KAT6B: variants seen among roughly 807,000 people sequenced by gnomAD.
The protein encoded by KAT6B is lysine acetyltransferase 6B, also known as histone acetyltransferase KAT6B.
In KAT6B, 10 loss-of-function variants were observed where a neutral mutation model predicts 187.5. The ratio of observed to expected loss-of-function variants is 0.05; its 90% CI spans 0.03 to 0.09. The LOEUF is 0.09. KAT6B is among the 10% of genes least tolerant of loss of function. KAT6B has a pLI of 1.00. For synonymous variants in KAT6B, 861 were observed against 926.8 expected (o/e 0.93, Z 1.29); for missense variants, 1,952 against 2,558.9 (o/e 0.76, Z 5.12).
intron 3 of KAT6B, among the ~76,000 whole-genome samples, chr10:74,857,141 A>G (rs1842876631): frequency 6.6e-6 from 1 of 152,174 alleles, no homozygotes; most frequent in African/African-American, 2.4e-5. Flanking sequence ...CCCAGTGTGT[A>G]TTAGTTTTCT....
intron 13 of KAT6B, among the ~76,000 whole-genome samples, chr10:74,994,420 T>G (rs1843293831): frequency 6.6e-6 from 1 of 152,214 alleles, no homozygotes; most frequent in Admixed American, 6.5e-5. Flanking sequence ...TATCCTTTTC[T>G]TAAGCCAGCC....
intron 8 of KAT6B, 105 bp from the exon 9 acceptor site, chr10:74,977,211 A>G (rs1329948518): frequency 8.3e-7 from 1 of 1,206,112 alleles, no homozygotes; most frequent in Non-Finnish European, 1.2e-6. Context: ...TTTAAAAAAA[A>G]TCCCTATTTG....
chr10:74,836,732 A>C (rs1210131169), intron 1 of KAT6B, among the ~76,000 whole-genome samples: 1 of 152,214 alleles, frequency 6.6e-6, no homozygotes, highest in Non-Finnish European at 1.5e-5. Flanking sequence ...CTGATAGAAG[A>C]AAAATAAGTC....
intron 3 of KAT6B, among the ~76,000 whole-genome samples, chr10:74,878,055 A>C (rs1179690172): frequency 6.6e-6 from 1 of 152,212 alleles, no homozygotes; most frequent in Non-Finnish European, 1.5e-5. Flanking sequence ...TTCTCAGCCC[A>C]CAGAAAGGGA....
chr10:74,945,925 A>C (rs1215351805), intron 3 of KAT6B, among the ~76,000 whole-genome samples: 2 of 152,100 alleles, frequency 1.3e-5, no homozygotes, highest in African/African-American at 4.8e-5. Flanking sequence ...TCTTCATCTG[A>C]TTTTGGTATC....
At position 75,030,469 on chromosome 10, in the gene KAT6B, C is replaced by T. The variant is rs1846228575; in HGVS notation, c.5645C>T (p.Pro1882Leu). Residue 1882 changes from proline to leucine, a missense_variant, in exon 18 of 18, where the codon CCC becomes CTC. Physicochemically the swap from Pro to Leu is moderately conservative, Grantham distance 98. Around this residue, in one of 9 missense-constraint regions of KAT6B, gnomAD observed 358 missense variants for 436.3 expected, o/e 0.82. Transcript: ENST00000287239. This position sits in a 1 kb window ranked among gnomAD's most constrained non-coding sequence, Gnocchi z 4.8. ...GCACAAGCTACCATGACCCCACCCC[C>T]CAACCTGACTCCTCCTCCAATGAAT... ...PQAQATMTPP[P>L]NLTPPPMNLP... 8 of 1,613,256 alleles carry T rather than the reference C, an allele frequency of 5.0e-6. No homozygotes were observed. The South Asian group carries it at 8.8e-5, about 18-fold the overall frequency.
chr10:74,836,897 T>C (rs912189788), intron 1 of KAT6B, among the ~76,000 whole-genome samples: 2 of 152,240 alleles, frequency 1.3e-5, no homozygotes, highest in South Asian at 2.1e-4. Flanking sequence ...CCAGGACTTA[T>C]GAAAGTAAAA....
intron 16 of KAT6B, among the ~76,000 whole-genome samples, 196 bp downstream of exon 16, chr10:75,022,427 C>T (rs1054120080): frequency 6.6e-5 from 10 of 152,148 alleles, no homozygotes; most frequent in African/African-American, 1.2e-4. Flanking sequence ...TTTGTTAGTG[C>T]GGTGACAGGA....
At chr10:74,988,471 T>G (rs1842945319) in intron 12 of KAT6B, among the ~76,000 whole-genome samples, 1 of 152,240 alleles carries the variant, frequency 6.6e-6, no homozygotes, top group Non-Finnish European at 1.5e-5. Flanking sequence ...AAATGCAGAT[T>G]ATTTCTCTAG....
At chr10:75,027,213 G>A (rs1173948237) in intron 17 of KAT6B, among the ~76,000 whole-genome samples, 1 of 152,190 alleles carries the variant, frequency 6.6e-6, no homozygotes, top group Admixed American at 6.5e-5. Flanking sequence ...AATGTCCTGA[G>A]ATGACTCTTA....
At chr10:74,903,736 T>C (rs1307197693) in intron 3 of KAT6B, among the ~76,000 whole-genome samples, 1 of 151,988 alleles carries the variant, frequency 6.6e-6, no homozygotes, top group Non-Finnish European at 1.5e-5. Context: ...CATGAATGGG[T>C]GTTGTTTTAA....
At chr10:74,968,884 C>T (rs1340938603) in intron 4 of KAT6B, among the ~76,000 whole-genome samples, 1 of 152,126 alleles carries the variant, frequency 6.6e-6, no homozygotes, top group Non-Finnish European at 1.5e-5. Flanking sequence ...CCCTCAGGGT[C>T]TCCAGTTTTC....
intron 3 of KAT6B, among the ~76,000 whole-genome samples, chr10:74,852,971 A>G (rs1842572308): frequency 6.6e-6 from 1 of 152,114 alleles, no homozygotes; most frequent in Non-Finnish European, 1.5e-5. Flanking sequence ...GTTTATTCTG[A>G]TTTTGTCTTA....
Position 75,029,960 on chromosome 10 carries a change from C to G in KAT6B, c.5136C>G (p.Ser1712Arg). Residue 1712 changes from serine (S) to arginine (R), a missense_variant, in exon 18 of 18, where the codon AGC becomes AGG. This residue lies in a region of KAT6B where 87 missense variants were observed against 167.5 expected (regional missense o/e 0.52). Transcript: ENST00000287239. This position sits in a 1 kb window ranked among gnomAD's most constrained non-coding sequence, Gnocchi z 6.2. ...GCTCCTATAGCAACCTCACCTCCAG[C>G]AGTCTGACACAGAGCAGCTGTGCTG... ...NSCSYSNLTS[S>R]SLTQSSCAVT... 1 of 1,614,196 alleles carries G rather than the reference C, an allele frequency of 6.2e-7. No homozygotes were observed. Among genetic ancestry groups the G allele is most frequent in the Non-Finnish European group, 8.5e-7 (1 of 1,180,024 alleles).
chr10:74,885,868 A>G (rs2078826424), intron 3 of KAT6B, among the ~76,000 whole-genome samples: 1 of 151,738 alleles, frequency 6.6e-6, no homozygotes. Context: ...AGTAGCTGGG[A>G]CTACAGGTGC....
At chr10:74,828,214 T>TGGGG (rs1840419254) in intron 1 of KAT6B, among the ~76,000 whole-genome samples, 1 of 152,116 alleles carries the variant, frequency 6.6e-6, no homozygotes, top group African/African-American at 2.4e-5. Flanking sequence ...TAGAAGGTGT[T>TGGGG]GGGACGTGTT....
intron 3 of KAT6B, among the ~76,000 whole-genome samples, chr10:74,892,054 G>C (rs1477052123): frequency 6.6e-6 from 1 of 152,166 alleles, no homozygotes. Flanking sequence ...CCTGGAGTTT[G>C]AATCTGAACA....
intron 3 of KAT6B, among the ~76,000 whole-genome samples, chr10:74,899,026 T>G (rs1373607617): frequency 2.3e-5 from 3 of 133,284 alleles, no homozygotes; most frequent in Admixed American, 2.2e-4. Flanking sequence ...CCGAGCATGG[T>G]GGCAGGCACC....
chr10:74,953,623 A>T (rs1416431256), intron 3 of KAT6B, among the ~76,000 whole-genome samples: 1 of 152,328 alleles, frequency 6.6e-6, no homozygotes, highest in East Asian at 1.9e-4. Context: ...AAGCAGTCTC[A>T]TGAAAGATGT....
Sources: allele counts gnomAD v4.1 joint callset (sites outside exome capture counted in the v4.1 genomes callset), GRCh38; gene constraint gnomAD v4.1.1; regional missense constraint gnomAD v4.1.1; non-coding constraint Gnocchi (gnomAD v3.1); transcripts MANE v1.5; gene names NCBI Gene and HGNC (gene_info 2026-07-23, HGNC 2026-07-21).